The following RET variants were observed in gnomAD, a reference collection of about 807,000 sequenced individuals.
RET encodes ret proto-oncogene, also known as proto-oncogene tyrosine-protein kinase receptor Ret.
A neutral mutation model predicts 118.3 loss-of-function variants in RET; 19 were observed. The ratio of observed to expected loss-of-function variants is 0.16; its 90% CI spans 0.11 to 0.24. The LOEUF (loss-of-function observed/expected upper bound fraction) is 0.24. RET is among the 10% of genes least tolerant of loss of function. The probability of loss-of-function intolerance (pLI) is 1.00; values close to 1 mark genes in which losing one functional copy is unlikely to be tolerated. For synonymous variants in RET, 597 were observed against 644.1 expected (o/e 0.93, Z 1.11); for missense variants, 1,219 against 1,502.1 (o/e 0.81, Z 3.12).
Position 43,124,976 on chromosome 10 carries a change from G to C in RET, c.3033G>C (p.Lys1011Asn). 6.2e-7 allele frequency: 1 copy of C among 1,614,224 alleles called. No homozygotes were observed. The highest frequency in any genetic ancestry group is 1.1e-5 in the South Asian group (1 of 91,088). ...ISKDLEKMMV[K>N]RRDYLDLAAS... ...AAGACCTGGAGAAGATGATGGTTAAGAGGAGAGTGAGTGCCTGGGTCCAAT... is the reference window on the plus strand; with the variant it reads ...AAGACCTGGAGAAGATGATGGTTAACAGGAGAGTGAGTGCCTGGGTCCAAT... The change falls in exon 18 of 20, where the codon AAG (lysine) becomes AAC (asparagine). Residue 1011 changes from lysine (K) to asparagine (N), a missense_variant. Physicochemically the swap from Lys to Asn is moderately conservative, Grantham distance 94. Around this residue, in one of 5 missense-constraint regions of RET, gnomAD observed 174 missense variants for 179.3 expected, o/e 0.97. Coordinates refer to ENST00000355710, the MANE Select transcript of RET (RefSeq NM_020975.6).
intron 13 of RET, among the ~76,000 whole-genome samples, chr10:43,119,152 C>A (rs555657399): frequency 6.6e-6 from 1 of 152,132 alleles, no homozygotes; most frequent in African/African-American, 2.4e-5. Flanking sequence ...AGGCAGGAAC[C>A]CTTGCATCTG....
intron 6 of RET, among the ~76,000 whole-genome samples, chr10:43,110,636 C>G (rs576877290): frequency 6.6e-6 from 1 of 152,274 alleles, no homozygotes; most frequent in South Asian, 2.1e-4. Context: ...TTCCCAGAGG[C>G]TCTGCTCAAA....
At chr10:43,102,232 C>A in intron 2 of RET, 110 bp from the exon 3 acceptor site, 1 of 1,399,390 alleles carries the variant, frequency 7.1e-7, no homozygotes, top group Non-Finnish European at 1.0e-6. Context: ...CCTTGTGGAC[C>A]TTGGTGGGGA....
chr10:43,105,254 C>T lies in RET; in HGVS notation c.867+61C>T, dbSNP rs570462207. ...CTGTCTCCGGCCACAGTTCGTTTCTCGGTCGGTTTAGTGTCCGTGTAGCCA... is the reference window on the plus strand; with the variant it reads ...CTGTCTCCGGCCACAGTTCGTTTCTTGGTCGGTTTAGTGTCCGTGTAGCCA... On this transcript the variant is annotated intron_variant, in intron 4 of 19. Transcript: ENST00000355710. 10 of 1,608,562 alleles carry T rather than the reference C, an allele frequency of 6.2e-6. 1 individual carries two copies. The East Asian group carries it at 2.0e-4, about 32-fold the overall frequency.
chr10:43,123,649 C>T lies in RET; in HGVS notation c.2802-22C>T. ...TGTGAGGGCCAGGTGGAGCCACTCA[C>T]TGGTCCTTTCACTCTCTGCAGATGG... is the stretch of plus-strand genomic sequence containing the variant. On this transcript the variant is annotated intron_variant, in intron 16 of 19. Transcript: ENST00000355710. 4 of 1,614,046 alleles carry T rather than the reference C, an allele frequency of 2.5e-6. No individual in the cohort carries two copies. The highest frequency in any genetic ancestry group is 3.4e-6 in the Non-Finnish European group (4 of 1,180,000).
chr10:43,089,079 G>A (rs148646502), intron 1 of RET, among the ~76,000 whole-genome samples: 126 of 152,342 alleles, frequency 8.3e-4, no homozygotes, highest in Non-Finnish European at 1.1e-3. Flanking sequence ...AACGGGCAGC[G>A]TGGGGCAGCC....
intron 1 of RET, among the ~76,000 whole-genome samples, chr10:43,095,920 CG>C (rs1418416238): frequency 2.0e-5 from 3 of 152,138 alleles, no homozygotes; most frequent in African/African-American, 7.2e-5. Context: ...ACCACGGTGG[CG>C]GGGGTCATTG....
rs749244375 is a variant in RET, at chr10:43,105,164, A to C, written c.838A>C (p.Ser280Arg). ...PTFPAGVDTASAVVEFKRKED... is the reference protein window; with the variant it reads ...PTFPAGVDTARAVVEFKRKED... ...CTTCCCCGCGGGCGTCGACACCGCC[A>C]GCGCCGTGGTGGAGTTCAAGCGGAA... The change falls in exon 4 of 20, where the codon AGC (serine) becomes CGC (arginine). Residue 280 changes from serine to arginine, a missense_variant. Physicochemically the swap from Ser to Arg is moderately radical, Grantham distance 110. Transcript: ENST00000355710. 1.2e-6 allele frequency: 2 copies of C among 1,612,596 alleles called. No individual in the cohort carries two copies.
At chr10:43,084,187 C>T (rs2132543869) in intron 1 of RET, among the ~76,000 whole-genome samples, 1 of 152,332 alleles carries the variant, frequency 6.6e-6, no homozygotes, top group East Asian at 1.9e-4. Context: ...CAGGGACATT[C>T]CTGTTATAAA....
At position 43,118,490 on chromosome 10, in the gene RET, G is replaced by A. The variant is rs773999299; in HGVS notation, c.2392+10G>A. 3.1e-6 allele frequency: 5 copies of A among 1,605,166 alleles called. No individual in the cohort carries two copies. Among genetic ancestry groups the A allele is most frequent in the Non-Finnish European group, 4.3e-6 (5 of 1,172,684 alleles). On this transcript the variant is annotated intron_variant, in intron 13 of 19. Transcript: ENST00000355710. ...GCCTGCAGCCAGGATGGTAAGGCCA[G>A]CTGCAGGGTGAGGTGGGCAGCCACT...
chr10:43,121,978 A>G lies in RET; in HGVS notation c.2763A>G (p.Glu921=). 6.2e-7 allele frequency: 1 copy of G among 1,613,502 alleles called. No homozygotes were observed. The highest frequency in any genetic ancestry group is 8.5e-7 in the Non-Finnish European group (1 of 1,179,730). Residue 921 remains glutamate, a synonymous_variant, in exon 16 of 20, where the codon GAA becomes GAG. Transcript: ENST00000355710. ...GRIPVKWMAI[E]SLFDHIYTTQ... Reference sequence around the variant, plus strand: ...TTCCAGTTAAATGGATGGCAATTGAATCCCTTTTTGATCATATCTACACCA... The same window carrying G: ...TTCCAGTTAAATGGATGGCAATTGAGTCCCTTTTTGATCATATCTACACCA...
Position 43,126,264 on chromosome 10 carries a change from A to G in RET, c.3040-311A>G, listed in dbSNP as rs2742239. Among the ~76,000 whole-genome samples the G allele has an allele frequency of 0.83, 126,507 of 152,240 alleles. 53,106 individuals are homozygous for G. Among genetic ancestry groups the G allele is most frequent in the African/African-American group, 0.91 (38,003 of 41,542 alleles). ...GGGCAGCTAGATGAGGCGTCCCCCA[A>G]GGCTGCCCTCCAGGCCCTGGAGATA... On this transcript the variant is annotated intron_variant, in intron 18 of 19. Transcript: ENST00000355710.
Position 43,129,560 on chromosome 10 carries a change from A to G in RET, c.*1291A>G, listed in dbSNP as rs1588882539. On this transcript the variant is annotated 3_prime_UTR_variant, in exon 20 of 20. Transcript: ENST00000355710. ...AGTCTTGTGGGGGCAGCTTTTGGGA[A>G]GTCTCAGCAGCTCTTCTGGCTGTGT... 4.2e-6 allele frequency: 1 copy of G among 239,342 alleles called. No individual in the cohort carries two copies. Among genetic ancestry groups the G allele is most frequent in the East Asian group, 6.0e-5 (1 of 16,704 alleles). 14.8% of individuals were successfully genotyped at this position (239,342 alleles called of 1,614,324 possible).
At chr10:43,124,215 C>T (rs543815105) in intron 17 of RET, among the ~76,000 whole-genome samples, 5 of 152,206 alleles carry the variant, frequency 3.3e-5, no homozygotes, top group Admixed American at 3.3e-4. Flanking sequence ...CCTTTACACT[C>T]TCAGGGGAGA....
At chr10:43,093,939 G>A (rs912511331) in intron 1 of RET, among the ~76,000 whole-genome samples, 1 of 152,036 alleles carries the variant, frequency 6.6e-6, no homozygotes. Context: ...GAGGCGGGAG[G>A]AGCAGCAGTG....
At chr10:43,085,933 C>T (rs923892468) in intron 1 of RET, among the ~76,000 whole-genome samples, 3 of 152,198 alleles carry the variant, frequency 2.0e-5, no homozygotes, top group African/African-American at 4.8e-5. Context: ...TGGGCTGAAA[C>T]CTACTGTCTC....
chr10:43,098,491 G>A (rs1009119303), intron 1 of RET, among the ~76,000 whole-genome samples: 1 of 143,342 alleles, frequency 7.0e-6, no homozygotes, highest in Non-Finnish European at 1.5e-5. Context: ...GCACAATCTC[G>A]GCTCACTACA....
rs1468633581 is a variant in RET, at chr10:43,106,969, T to C, written c.1063+398T>C. 6.6e-6 allele frequency among the ~76,000 whole-genome samples: 1 copy of C among 152,188 alleles called. No homozygotes were observed. The highest frequency in any genetic ancestry group is 2.4e-5 in the African/African-American group (1 of 41,440). On this transcript the variant is annotated intron_variant, in intron 5 of 19. Transcript: ENST00000355710. This position sits in a 1 kb window ranked among gnomAD's most constrained non-coding sequence, Gnocchi z 5.1. Reference sequence around the variant, plus strand: ...TATTGCTCCAGCCTCAGCAGCTCTCTGCTAAACAGGCTGGTGTACAGAAGC... The same window carrying C: ...TATTGCTCCAGCCTCAGCAGCTCTCCGCTAAACAGGCTGGTGTACAGAAGC...
intron 1 of RET, among the ~76,000 whole-genome samples, chr10:43,081,239 C>T (rs1837174476): frequency 1.3e-5 from 2 of 151,886 alleles, no homozygotes; most frequent in African/African-American, 4.8e-5. Flanking sequence ...AGGTTATGCT[C>T]CCTCCCCGTT....
Sources: allele counts gnomAD v4.1 joint callset (sites outside exome capture counted in the v4.1 genomes callset), GRCh38; gene constraint gnomAD v4.1.1; regional missense constraint gnomAD v4.1.1; non-coding constraint Gnocchi (gnomAD v3.1); transcripts MANE v1.5; gene names NCBI Gene and HGNC (gene_info 2026-07-23, HGNC 2026-07-21).